The following MACROD2 variants were observed in gnomAD, a reference collection of about 807,000 sequenced individuals.
MACROD2 encodes the protein ADP-ribose glycohydrolase MACROD2.
Under a neutral mutation model 70.4 loss-of-function variants are expected in MACROD2, and 36 were observed. The observed-to-expected ratio is 0.51, with a 90% CI of 0.39 to 0.68. MACROD2 has a LOEUF of 0.68. Among genes scored for constraint, MACROD2 ranks in the 30% least tolerant of loss-of-function variants. MACROD2 has a pLI of 0.00. For missense variants in MACROD2, 496 were observed against 538.4 expected (o/e 0.92, Z 0.78); for synonymous variants, 172 against 178.8 (o/e 0.96, Z 0.30).
chr20:15,667,278 TGCAC>T (rs1321127695), intron 8 of MACROD2, among the ~76,000 whole-genome samples: 1 of 152,166 alleles, frequency 6.6e-6, no homozygotes, highest in Non-Finnish European at 1.5e-5. Flanking sequence ...CCATATGATG[TGCAC>T]GCTCCCGCTT....
At chr20:14,842,054 C>G (rs972426535) in intron 5 of MACROD2, among the ~76,000 whole-genome samples, 3 of 151,970 alleles carry the variant, frequency 2.0e-5, no homozygotes, top group African/African-American at 7.3e-5. Flanking sequence ...ATTCACGAGT[C>G]TAGAGGCTGG....
intron 5 of MACROD2, among the ~76,000 whole-genome samples, chr20:14,699,351 G>T (rs2071165487): frequency 6.6e-6 from 1 of 152,122 alleles, no homozygotes; most frequent in African/African-American, 2.4e-5. Context: ...GTTAAAAGGG[G>T]GAATGTTGAT....
intron 8 of MACROD2, among the ~76,000 whole-genome samples, chr20:15,610,991 CTTTTTTTTTTTTTT>C (rs34495725): frequency 3.3e-5 from 2 of 60,088 alleles, no homozygotes; most frequent in South Asian, 8.9e-4. Flanking sequence ...AGCCAAAAAT[CTTTTTTTTTTTTTT>C]TTTTTTTTTT....
At chr20:14,970,770 C>T (rs2074683581) in intron 5 of MACROD2, among the ~76,000 whole-genome samples, 1 of 152,112 alleles carries the variant, frequency 6.6e-6, no homozygotes, top group Admixed American at 6.6e-5. Flanking sequence ...CCTGCCTCAG[C>T]CTCTTCAGTA....
intron 8 of MACROD2, among the ~76,000 whole-genome samples, chr20:15,844,249 T>A (rs1238912308): frequency 6.6e-6 from 1 of 152,052 alleles, no homozygotes; most frequent in African/African-American, 2.4e-5. Context: ...TGCCAAGAGT[T>A]ATGAGAGATG....
At chr20:13,996,799 A>G (rs1329434679) in intron 1 of MACROD2, among the ~76,000 whole-genome samples, 1 of 152,184 alleles carries the variant, frequency 6.6e-6, no homozygotes, top group Non-Finnish European at 1.5e-5. Flanking sequence ...TTGCACTCCT[A>G]TTGCTAAAAT....
intron 5 of MACROD2, among the ~76,000 whole-genome samples, chr20:15,021,015 TATGTA>T (rs1176725449): frequency 6.8e-6 from 1 of 147,636 alleles, no homozygotes; most frequent in African/African-American, 2.5e-5. Context: ...CACATGTGTA[TATGTA>T]TACACATGTG....
chr20:15,840,798 C>T (rs1455486888), intron 8 of MACROD2, among the ~76,000 whole-genome samples: 3 of 152,156 alleles, frequency 2.0e-5, no homozygotes, highest in Non-Finnish European at 4.4e-5. Context: ...CATCCATAAA[C>T]TCTTCCAAGG....
chr20:15,624,471 C>A (rs1179682364), intron 8 of MACROD2, among the ~76,000 whole-genome samples: 1 of 152,164 alleles, frequency 6.6e-6, no homozygotes, highest in African/African-American at 2.4e-5. Context: ...AACCTATTGT[C>A]ACCAATCATT....
rs573997301 is a variant in MACROD2 at position 14,414,525 on chromosome 20, T to C, written c.272-78954T>C. 1.4e-4 allele frequency among the ~76,000 whole-genome samples: 21 copies of C among 152,232 alleles called. No individual in the cohort carries two copies. The East Asian group carries it at 4.1e-3, about 29-fold the overall frequency. On this transcript the variant is annotated intron_variant, in intron 3 of 17. Coordinates refer to ENST00000684519, the MANE Select transcript of MACROD2 (RefSeq NM_001351661.2). ...TTGTTTTCACCCTGGCATTCCCAAT[T>C]ATGTAGTGCAAATACAGTATTTTAC...
At chr20:15,105,495 G>T (rs2075903986) in intron 5 of MACROD2, among the ~76,000 whole-genome samples, 1 of 152,060 alleles carries the variant, frequency 6.6e-6, no homozygotes, top group African/African-American at 2.4e-5. Context: ...TGGAGAAAGG[G>T]TGCTTTCCTA....
At chr20:15,770,497 T>C (rs917936543) in intron 8 of MACROD2, among the ~76,000 whole-genome samples, 2 of 152,076 alleles carry the variant, frequency 1.3e-5, no homozygotes, top group African/African-American at 4.8e-5. Context: ...CTATTACAGC[T>C]TTTCTATTTC....
At chr20:14,006,943 A>T (rs1003061279) in intron 2 of MACROD2, among the ~76,000 whole-genome samples, 1 of 152,126 alleles carries the variant, frequency 6.6e-6, no homozygotes, top group Admixed American at 6.5e-5. Flanking sequence ...ATCTTTTTGC[A>T]TCATATCACA....
intron 8 of MACROD2, among the ~76,000 whole-genome samples, chr20:15,520,103 A>G (rs1396135187): frequency 6.6e-6 from 1 of 152,228 alleles, no homozygotes; most frequent in Non-Finnish European, 1.5e-5. Flanking sequence ...GAAAACTTAT[A>G]ATAGAAAAAT....
At position 15,694,339 on chromosome 20, in the gene MACROD2, A is replaced by G. The variant is rs2050337362; in HGVS notation, c.646-168406A>G. Among the ~76,000 whole-genome samples the G allele has an allele frequency of 2.1e-5, 3 of 146,156 alleles. No homozygotes were observed. In the South Asian group the frequency reaches 6.6e-4, roughly 32 times the overall value. ...TAGTTTACATTCTCACCAGCAATGT[A>G]GAAGTGTTCCCTGTTCACCGCATCT... is the stretch of plus-strand genomic sequence containing the variant. On this transcript the variant is annotated intron_variant, in intron 8 of 17. Transcript: ENST00000684519.
At chr20:15,653,656 G>A (rs753784655) in intron 8 of MACROD2, among the ~76,000 whole-genome samples, 1 of 152,148 alleles carries the variant, frequency 6.6e-6, no homozygotes, top group Non-Finnish European at 1.5e-5. Context: ...GCCTATGACT[G>A]CTGTTGGTCA....
chr20:15,783,624 C>T (rs914893663), intron 8 of MACROD2, among the ~76,000 whole-genome samples: 7 of 151,982 alleles, frequency 4.6e-5, no homozygotes, highest in Non-Finnish European at 1.0e-4. Context: ...AAATAGGACA[C>T]TTTTAGGATA....
At chr20:15,301,616 T>TTTTTTTTTTA in intron 6 of MACROD2, among the ~76,000 whole-genome samples, 1 of 128,342 alleles carries the variant, frequency 7.8e-6, no homozygotes, top group African/African-American at 3.1e-5. Flanking sequence ...TTTTTTTTTG[T>TTTTTTTTTTA]AGAGACAAGA....
chr20:14,709,079 C>T lies in MACROD2; in HGVS notation c.418+24120C>T, dbSNP rs896006132. Reference sequence around the variant, plus strand: ...TCAGCTTTAAATACTGAGCAAACTTCCTGCCAGCATGGATTTTGGTTAGAA... The same window carrying T: ...TCAGCTTTAAATACTGAGCAAACTTTCTGCCAGCATGGATTTTGGTTAGAA... On this transcript the variant is annotated intron_variant, in intron 5 of 17. Transcript: ENST00000684519. Among the ~76,000 whole-genome samples, 67 of 152,120 alleles carry T rather than the reference C, an allele frequency of 4.4e-4. 1 individual carries two copies. Among genetic ancestry groups the T allele is most frequent in the African/African-American group, 1.6e-3 (67 of 41,412 alleles).
Sources: gnomAD v4.1 joint callset for allele counts (sites outside exome capture counted in the v4.1 genomes callset) on GRCh38, gnomAD v4.1.1 for gene constraint, MANE v1.5 for transcripts, NCBI Gene and HGNC (gene_info 2026-07-23, HGNC 2026-07-21) for gene names.